Variants in ME2 observed in about 807,000 individuals in gnomAD.
ME2 encodes NAD-dependent malic enzyme, mitochondrial.
In ME2, 60 loss-of-function variants were observed where a neutral mutation model predicts 73.7. The observed-to-expected ratio is 0.81, with a 90% confidence interval of 0.66 to 1.01. The LOEUF (loss-of-function observed/expected upper bound fraction) is 1.01. ME2 is among the 50% of genes least tolerant of loss of function. The pLI is 0.00. For missense variants in ME2, 594 were observed against 705.5 expected (o/e 0.84, Z 1.79); for synonymous variants, 199 against 236.9 (o/e 0.84, Z 1.47).
At position 50,940,369 on chromosome 18, in the gene ME2, A is replaced by G; in HGVS notation, c.1570A>G (p.Ile524Val). ...GCTTGCTAATATTCAGGAAGTTTCT[A>G]TTAACATTGCTATTAAAGTAAGTAA... ...PPLANIQEVS[I>V]NIAIKVTEYL... Residue 524 changes from isoleucine to valine, a missense_variant, in exon 15 of 16, where the codon ATT becomes GTT. Physicochemically the swap from Ile to Val is conservative, Grantham distance 29. Coordinates refer to ENST00000321341, the MANE Select transcript of ME2 (RefSeq NM_002396.5). 3 of 1,600,084 alleles carry G rather than the reference A, an allele frequency of 1.9e-6. No homozygotes were observed. The highest frequency in any genetic ancestry group is 1.1e-5 in the South Asian group (1 of 88,800).
chr18:50,946,553 A>G (rs529945586), intron 15 of ME2, among the ~76,000 whole-genome samples: 76 of 152,324 alleles, frequency 5.0e-4, no homozygotes, highest in Non-Finnish European at 7.9e-4. Flanking sequence ...GTTCCCCTGT[A>G]TAGGTTCTAG....
intron 13 of ME2, chr18:50,933,399 T>C (rs1917743308): frequency 6.6e-6 from 1 of 152,226 alleles, no homozygotes; most frequent in Non-Finnish European, 1.5e-5. Flanking sequence ...GTATAACTGT[T>C]GTCAAAGTAA....
chr18:50,930,184 C>T (rs1331233568), intron 12 of ME2, among the ~76,000 whole-genome samples: 2 of 152,014 alleles, frequency 1.3e-5, no homozygotes, highest in African/African-American at 2.4e-5. Context: ...TGCTTGAGCC[C>T]AGGAGGTTGA....
intron 1 of ME2, among the ~76,000 whole-genome samples, chr18:50,891,884 G>C (rs1916613386): frequency 6.6e-6 from 1 of 151,526 alleles, no homozygotes; most frequent in Non-Finnish European, 1.5e-5. Context: ...CACAGTCTCG[G>C]CTCACTGCAG....
At chr18:50,909,268 A>G (rs1917091569) in intron 3 of ME2, among the ~76,000 whole-genome samples, 1 of 152,266 alleles carries the variant, frequency 6.6e-6, no homozygotes, top group Admixed American at 6.5e-5. Flanking sequence ...CAGGCAGCAA[A>G]CTTAATATAT....
chr18:50,881,502 G>A (rs1340523590), intron 1 of ME2, among the ~76,000 whole-genome samples: 4 of 152,068 alleles, frequency 2.6e-5, no homozygotes, highest in African/African-American at 9.7e-5. Flanking sequence ...TTGATTTTAT[G>A]GTGGCATATT....
intron 13 of ME2, chr18:50,934,282 T>C (rs2144259611): frequency 6.6e-6 from 1 of 152,328 alleles, no homozygotes; most frequent in South Asian, 2.1e-4. Context: ...AATTTAGCAG[T>C]TGATTATTTT....
chr18:50,944,390 TTTC>T (rs1364144822), intron 15 of ME2, among the ~76,000 whole-genome samples: 2 of 152,100 alleles, frequency 1.3e-5, no homozygotes, highest in Non-Finnish European at 2.9e-5. Context: ...GGCATAGGCT[TTTC>T]TTTTTAGGAG....
rs1918271984 is a variant in ME2, at chr18:50,953,901, C to T, written c.*6717C>T. The T allele has an allele frequency of 6.6e-6, 1 of 152,160 alleles. No homozygotes were observed. 9.4% of individuals were successfully genotyped at this position (152,160 alleles called of 1,614,324 possible). A position where few individuals can be genotyped will look rare whatever the true frequency, so the allele number is the denominator to read the frequency against. On this transcript the variant is annotated 3_prime_UTR_variant, in exon 16 of 16. Transcript: ENST00000321341. ...TTTGTCTAATGACCTTTAAATTTAACTGAAATTAAAACCGTACTTTTGCAG... is the reference window on the plus strand; with the variant it reads ...TTTGTCTAATGACCTTTAAATTTAATTGAAATTAAAACCGTACTTTTGCAG...
intron 15 of ME2, chr18:50,942,648 A>C (rs1312495629): frequency 3.5e-6 from 1 of 281,936 alleles, no homozygotes; most frequent in East Asian, 5.2e-5. Flanking sequence ...ACTTTTTTCT[A>C]AATATTTTTA....
In ME2 at chr18:50,881,332, C is replaced by T. The variant is rs77970259; in HGVS notation, c.-13+2024C>T. 4.4e-3 allele frequency among the ~76,000 whole-genome samples: 677 copies of T among 152,192 alleles called. 18 individuals carry two copies. The East Asian group carries it at 0.069, about 16-fold the overall frequency. ...GATTACAGGAGTGAGCCACCATGCC[C>T]GGTGAACTAGCCGTATTTTAAAACA... On this transcript the variant is annotated intron_variant, in intron 1 of 15. Transcript: ENST00000321341.
intron 12 of ME2, among the ~76,000 whole-genome samples, chr18:50,926,937 C>T (rs559359134): frequency 6.6e-6 from 1 of 152,248 alleles, no homozygotes. Context: ...TTTCATGAAA[C>T]TTTTTACTCT....
intron 1 of ME2, among the ~76,000 whole-genome samples, chr18:50,887,763 A>C (rs770471753): frequency 6.6e-6 from 1 of 152,216 alleles, no homozygotes. Flanking sequence ...ACAACACACA[A>C]CGTGTATGGG....
chr18:50,947,209 C>G lies in ME2; in HGVS notation c.*25C>G. 1 of 1,603,572 alleles carries G rather than the reference C, an allele frequency of 6.2e-7. No individual in the cohort carries two copies. The highest frequency in any genetic ancestry group is 2.2e-4 in the Middle Eastern group (1 of 4,572). On this transcript the variant is annotated 3_prime_UTR_variant, in exon 16 of 16. Coordinates refer to ENST00000321341, the MANE Select transcript of ME2 (RefSeq NM_002396.5). ...GAAGCACTCCCCTGATAAATACTTT[C>G]TGTGCTCCAGGGAACCCCTTTTTTC...
chr18:50,938,835 A>C (rs564495685), intron 13 of ME2, among the ~76,000 whole-genome samples: 1 of 152,292 alleles, frequency 6.6e-6, no homozygotes, highest in African/African-American at 2.4e-5. Context: ...AATAGAAGAA[A>C]ATGTAGACAA....
intron 10 of ME2, among the ~76,000 whole-genome samples, chr18:50,923,433 T>C (rs1463269108): frequency 1.3e-5 from 2 of 152,182 alleles, no homozygotes; most frequent in Non-Finnish European, 2.9e-5. Flanking sequence ...ATATTTGATA[T>C]ACGCCATATT....
At chr18:50,944,910 C>G (rs796353676) in intron 15 of ME2, among the ~76,000 whole-genome samples, 2 of 152,068 alleles carry the variant, frequency 1.3e-5, no homozygotes, top group African/African-American at 4.8e-5. Flanking sequence ...CACTGCCCCT[C>G]ACATCAGGCA....
At position 50,881,084 on chromosome 18, in the gene ME2, A is replaced by C. The variant is rs187918538; in HGVS notation, c.-13+1776A>C. On this transcript the variant is annotated intron_variant, in intron 1 of 15. Transcript: ENST00000321341. ...GCTCTTGTTGCCCAGGCTGGAGTGC[A>C]GTGTTGCGATCTCCACTCACTGCAA... 1.6e-4 allele frequency among the ~76,000 whole-genome samples: 25 copies of C among 152,294 alleles called. No individual in the cohort carries two copies. In the East Asian group the frequency reaches 4.6e-3, roughly 28 times the overall value.
At chr18:50,886,361 A>G (rs944979808) in intron 1 of ME2, among the ~76,000 whole-genome samples, 1 of 151,348 alleles carries the variant, frequency 6.6e-6, no homozygotes, top group Non-Finnish European at 1.5e-5. Context: ...CTCATGCCTC[A>G]GCCTCCTGAG....
Sources: gnomAD v4.1 joint callset for allele counts (sites outside exome capture counted in the v4.1 genomes callset) on GRCh38, gnomAD v4.1.1 for gene constraint, MANE v1.5 for transcripts, NCBI Gene and HGNC (gene_info 2026-07-23, HGNC 2026-07-21) for gene names.